The following ANK1 variants were observed in gnomAD, a reference collection of about 807,000 sequenced individuals.
The protein encoded by ANK1 is ankyrin-1.
ANK1 carries 51 observed loss-of-function variants against 210.4 expected under a neutral mutation model. That is an observed-to-expected ratio of 0.24 (90% CI 0.19 to 0.31). ANK1 has a LOEUF of 0.31. ANK1 is among the 10% of genes least tolerant of loss of function. The pLI is 1.00. For synonymous variants in ANK1, 967 were observed against 1,025.9 expected, an observed-to-expected ratio of 0.94 and a Z score of 1.10; for missense variants, 2,051 against 2,504.4, an observed-to-expected ratio of 0.82 and a Z score of 3.86.
intron 1 of ANK1, among the ~76,000 whole-genome samples, chr8:41,885,813 T>C (rs1818358154): frequency 6.6e-6 from 1 of 152,252 alleles, no homozygotes; most frequent in Non-Finnish European, 1.5e-5. Context: ...AGTGCAACTC[T>C]ATGGATGTTT....
chr8:41,862,949 C>T (rs573835265), intron 1 of ANK1, among the ~76,000 whole-genome samples: 78 of 152,224 alleles, frequency 5.1e-4, no homozygotes, highest in African/African-American at 1.8e-3. Context: ...GAGTTCCAGG[C>T]TGCAGTGAGC....
chr8:41,743,620 G>A (rs978637732), intron 2 of ANK1, among the ~76,000 whole-genome samples: 5 of 152,186 alleles, frequency 3.3e-5, no homozygotes, highest in African/African-American at 1.2e-4. Context: ...GACAGCTAAT[G>A]GAGTGGTTGG....
intron 5 of ANK1, 147 bp from the exon 6 acceptor site, chr8:41,726,093 GT>G: frequency 2.2e-6 from 2 of 904,684 alleles, no homozygotes; most frequent in Non-Finnish European, 3.5e-6. Context: ...CATCCGCCAA[GT>G]TTAGCCTAAA....
chr8:41,738,795 G>A (rs1356264553), intron 2 of ANK1, among the ~76,000 whole-genome samples: 7 of 152,176 alleles, frequency 4.6e-5, no homozygotes, highest in East Asian at 3.8e-4. Flanking sequence ...TCTTTTCGGC[G>A]ACTCCATCTC....
At chr8:41,820,818 C>G (rs976276645) in intron 1 of ANK1, among the ~76,000 whole-genome samples, 1 of 152,076 alleles carries the variant, frequency 6.6e-6, no homozygotes, top group Non-Finnish European at 1.5e-5. Flanking sequence ...TGAAGGGTCA[C>G]ATTATTAAAG....
intron 1 of ANK1, among the ~76,000 whole-genome samples, chr8:41,767,589 G>A (rs1842127482): frequency 6.6e-6 from 1 of 152,172 alleles, no homozygotes; most frequent in Non-Finnish European, 1.5e-5. Flanking sequence ...CCATGATTAT[G>A]TCAGATGGGA....
chr8:41,823,791 A>G (rs888074342), intron 1 of ANK1, among the ~76,000 whole-genome samples: 3 of 152,178 alleles, frequency 2.0e-5, no homozygotes, highest in African/African-American at 7.2e-5. Flanking sequence ...TTTTAAAAAT[A>G]AAACACTGCC....
intron 1 of ANK1, among the ~76,000 whole-genome samples, chr8:41,792,887 A>G (rs1848031609): frequency 6.6e-6 from 1 of 152,250 alleles, no homozygotes; most frequent in South Asian, 2.1e-4. Flanking sequence ...CTGTTCATTC[A>G]TGAATGCAAC....
chr8:41,735,966 G>C (rs1244757953), intron 2 of ANK1, among the ~76,000 whole-genome samples: 1 of 151,690 alleles, frequency 6.6e-6, no homozygotes, highest in African/African-American at 2.4e-5. Context: ...TGTAGGGAGA[G>C]GGGGTGGTTC....
At chr8:41,674,677 A>G (rs771391592) in intron 37 of ANK1, among the ~76,000 whole-genome samples, 7 of 152,190 alleles carry the variant, frequency 4.6e-5, no homozygotes, top group Non-Finnish European at 1.0e-4. Flanking sequence ...TGTACTCCGC[A>G]TGCATTCTCT....
In ANK1 at chr8:41,670,113, C is replaced by T. The variant is rs75159846; in HGVS notation, c.5097-1549G>A. ...CTCTGCTTGATTTTTCTTTTTAGCA[C>T]GTATTATCTAGAATTTCTGTTTTAA... is the stretch of plus-strand genomic sequence containing the variant. On this transcript the variant is annotated intron_variant, in intron 38 of 42. Coordinates refer to ENST00000289734, the MANE Select transcript of ANK1 (RefSeq NM_000037.4). 4.7e-3 allele frequency among the ~76,000 whole-genome samples: 721 copies of T among 151,994 alleles called. 9 individuals carry two copies. The highest frequency in any genetic ancestry group is 0.034 in the East Asian group (177 of 5,168).
chr8:41,719,430 C>T (rs1828651453), intron 10 of ANK1, among the ~76,000 whole-genome samples: 1 of 152,206 alleles, frequency 6.6e-6, no homozygotes, highest in Admixed American at 6.5e-5. Context: ...CTGACCTCGG[C>T]CTGGTCACCG....
chr8:41,834,923 C>T lies in ANK1; in HGVS notation c.126+61432G>A, dbSNP rs544604382. 1.8e-3 allele frequency among the ~76,000 whole-genome samples: 275 copies of T among 152,312 alleles called. 2 individuals are homozygous for T. Among genetic ancestry groups the T allele is most frequent in the African/African-American group, 6.4e-3 (265 of 41,572 alleles). ...ACCTCTTGCCATTACACACTCAGTG[C>T]GGGGATCATCCCCGCTGCCCGGGAG... On this transcript the variant is annotated intron_variant, in intron 1 of 42. Transcript: ENST00000265709.
intron 2 of ANK1, among the ~76,000 whole-genome samples, chr8:41,736,896 A>G (rs139788329): frequency 6.6e-6 from 1 of 152,352 alleles, no homozygotes; most frequent in East Asian, 1.9e-4. Flanking sequence ...GGCCCAGAGT[A>G]GTCAAACGAT....
upstream of ANK1, among the ~76,000 whole-genome samples, chr8:41,802,409 C>G (rs1458736900): frequency 6.6e-6 from 1 of 152,152 alleles, no homozygotes; most frequent in Non-Finnish European, 1.5e-5. Flanking sequence ...CATTGATTAG[C>G]CCATCCTCTC....
intron 1 of ANK1, among the ~76,000 whole-genome samples, chr8:41,818,404 A>G (rs1394553635): frequency 1.3e-5 from 2 of 152,172 alleles, no homozygotes; most frequent in South Asian, 2.1e-4. Flanking sequence ...TCTGCTTTTA[A>G]TCTTGCTAAA....
intron 35 of ANK1, among the ~76,000 whole-genome samples, chr8:41,687,339 C>T (rs550906291): frequency 1.3e-5 from 2 of 152,346 alleles, no homozygotes; most frequent in South Asian, 4.1e-4. Context: ...ACTGACCACT[C>T]GCACCCCCAT....
intron 38 of ANK1, among the ~76,000 whole-genome samples, chr8:41,670,418 G>A (rs768187997): frequency 6.6e-6 from 1 of 152,030 alleles, no homozygotes; most frequent in Admixed American, 6.5e-5. Flanking sequence ...ACACTGCTGC[G>A]GTAATGCAGG....
Position 41,723,141 on chromosome 8 carries a change from A to C in ANK1, c.893T>G (p.Ile298Ser). ...AGTACACACCTTGGTTTTGGCTTGG[A>C]TTGGTGCCCCGTGGTCCAGCAGGAT... ...SEILLDHGAP[I>S]QAKTKNGLSP... Residue 298 changes from isoleucine to serine, a missense_variant, in exon 9 of 43, where the codon ATC becomes AGC. By Grantham distance (142) the Ile-to-Ser change is moderately radical. Around this residue, in one of 6 missense-constraint regions of ANK1, gnomAD observed 1,413 missense variants for 1,707.4 expected, o/e 0.83. Transcript: ENST00000289734. 6.2e-7 allele frequency: 1 copy of C among 1,614,192 alleles called. No individual in the cohort carries two copies. The highest frequency in any genetic ancestry group is 8.5e-7 in the Non-Finnish European group (1 of 1,180,040).
Sources: allele counts gnomAD v4.1 joint callset (sites outside exome capture counted in the v4.1 genomes callset), GRCh38; gene constraint gnomAD v4.1.1; regional missense constraint gnomAD v4.1.1; transcripts MANE v1.5; gene names NCBI Gene and HGNC (gene_info 2026-07-23, HGNC 2026-07-21).